Variants in DNAJC9 observed in about 807,000 individuals in gnomAD.
DNAJC9 encodes the protein DnaJ heat shock protein family (Hsp40) member C9, also known as dnaJ homolog subfamily C member 9.
In DNAJC9, 18 loss-of-function variants were observed where a neutral mutation model predicts 32.4. The ratio of observed to expected loss-of-function variants is 0.56; its 90% confidence interval spans 0.38 to 0.82. DNAJC9 has a LOEUF of 0.82. DNAJC9 is among the 40% of genes least tolerant of loss of function. DNAJC9 has a pLI of 0.00. For missense variants in DNAJC9, 310 were observed against 321.8 expected (o/e 0.96, Z 0.28); for synonymous variants, 113 against 122.1 (o/e 0.93, Z 0.49).
downstream of DNAJC9, chr10:73,235,136 TACATACCACATTAC>T: frequency 6.5e-7 from 1 of 1,532,710 alleles, no homozygotes; most frequent in Non-Finnish European, 8.8e-7. Flanking sequence ...GGGTTTTAAC[TACATACCACATTAC>T]AGATAGTTTT....
chr10:73,235,766 GC>G (rs2043806757), downstream of DNAJC9, among the ~76,000 whole-genome samples: 1 of 152,158 alleles, frequency 6.6e-6, no homozygotes, highest in African/African-American at 2.4e-5. Flanking sequence ...GAACTCCTGG[GC>G]TCAAGCAATC....
intron 4 of DNAJC9, 44 bp downstream of exon 4, chr10:73,243,799 G>A (rs779338360): frequency 4.0e-6 from 6 of 1,508,822 alleles, no homozygotes; most frequent in African/African-American, 2.8e-5. Context: ...ATTAGCAGTA[G>A]GAATCAGATC....
downstream of DNAJC9, among the ~76,000 whole-genome samples, chr10:73,240,010 G>A (rs571314274): frequency 1.1e-4 from 16 of 152,238 alleles, no homozygotes; most frequent in Middle Eastern, 3.4e-3. Context: ...CTGTAGCCTC[G>A]AACTCCGGGG....
downstream of DNAJC9, among the ~76,000 whole-genome samples, chr10:73,237,313 C>T (rs1226535767): frequency 6.6e-6 from 1 of 152,104 alleles, no homozygotes. Flanking sequence ...TCAGTGTGAA[C>T]CCCAGAAAGT....
rs1320447846 is a variant in DNAJC9, at chr10:73,242,738, G to C, written c.*662C>G. On this transcript the variant is annotated 3_prime_UTR_variant, in exon 5 of 5. Coordinates refer to ENST00000372950, the MANE Select transcript of DNAJC9 (RefSeq NM_015190.5). ...TATTATAAAGCTGACCAGGGCTATTGTTTTCCCCTTTTCTCTCATCCTAAA... is the reference window on the plus strand; with the variant it reads ...TATTATAAAGCTGACCAGGGCTATTCTTTTCCCCTTTTCTCTCATCCTAAA... 1.3e-5 allele frequency: 2 copies of C among 152,092 alleles called. No individual in the cohort carries two copies. The highest frequency in any genetic ancestry group is 6.6e-5 in the Admixed American group (1 of 15,264). The allele number at this position is 152,092 out of a possible 1,614,324, so 9.4% of individuals were successfully genotyped here. A position where few individuals can be genotyped will look rare whatever the true frequency, so the allele number is the denominator to read the frequency against.
At chr10:73,246,266 T>A in intron 2 of DNAJC9, 90 bp from the exon 3 acceptor site, 4 of 1,363,392 alleles carry the variant, frequency 2.9e-6, no homozygotes, top group Non-Finnish European at 4.0e-6. Context: ...GTTGAATTGC[T>A]GCAATACAAC....
At chr10:73,243,651 C>G in intron 4 of DNAJC9, 132 bp from the exon 5 acceptor site, 1 of 1,259,292 alleles carries the variant, frequency 7.9e-7, no homozygotes, top group Non-Finnish European at 1.1e-6. Flanking sequence ...GTGAAAATGT[C>G]CTACAATTGG....
chr10:73,241,057 G>A (rs539137604), downstream of DNAJC9: 23 of 1,130,174 alleles, frequency 2.0e-5, no homozygotes, highest in East Asian at 1.3e-4. Context: ...CAGGAAACAC[G>A]AGATTTCATG....
chr10:73,235,084 G>A, downstream of DNAJC9: 1 of 1,441,052 alleles, frequency 6.9e-7, no homozygotes, highest in Non-Finnish European at 9.4e-7. Context: ...CGTGGAATTG[G>A]AGCTGTTTGG....
downstream of DNAJC9, chr10:73,235,007 G>T: frequency 6.6e-7 from 1 of 1,523,786 alleles, no homozygotes; most frequent in Non-Finnish European, 8.9e-7. Context: ...AATTCTGCAG[G>T]ATCTGTGCCC....
Position 73,246,703 on chromosome 10 carries a change from C to A in DNAJC9, c.306G>T (p.Arg102=). ...AGTCCTTTACCTTTTTAAAGAGTAG[C>A]CGCCAATACGCCTCCCAGTCTCGGT... The part of the protein sequence containing the change: ...TQDRDWEAYW[R]LLFKKISLED... Residue 102 remains arginine, a synonymous_variant, in exon 2 of 5, where the codon CGG becomes CGT. Transcript: ENST00000372950. The A allele has an allele frequency of 1.2e-6, 2 of 1,613,950 alleles. No individual in the cohort carries two copies. Among genetic ancestry groups the A allele is most frequent in the Non-Finnish European group, 1.7e-6 (2 of 1,179,870 alleles).
At chr10:73,235,100 A>C, downstream of DNAJC9, 2 of 1,463,892 alleles carry the variant, frequency 1.4e-6, no homozygotes, top group Non-Finnish European at 9.3e-7. Flanking sequence ...TTTGGCCTGC[A>C]CTTACCATAT....
chr10:73,233,067 G>A (rs968366251), intron 2 of DNAJC9: 29 of 1,551,496 alleles, frequency 1.9e-5, no homozygotes, highest in Middle Eastern at 1.7e-4. Context: ...ACCAGGAGAC[G>A]CAATCCACCA....
Position 73,242,209 on chromosome 10 carries a change from G to A in DNAJC9, c.*1191C>T, listed in dbSNP as rs1276453062. 5 of 152,092 alleles carry A rather than the reference G, an allele frequency of 3.3e-5. No individual in the cohort carries two copies. Among genetic ancestry groups the A allele is most frequent in the African/African-American group, 4.8e-5 (2 of 41,496 alleles). The allele number at this position is 152,092 out of a possible 1,614,324, so 9.4% of individuals were successfully genotyped here. On this transcript the variant is annotated 3_prime_UTR_variant, in exon 5 of 5. Transcript: ENST00000372950. ...TGTAGTCACAAACCGAAAACGTGTC[G>A]TCTTTACCTTAGAGCTAAAGGCTTA...
downstream of DNAJC9, chr10:73,241,501 T>C (rs2043951641): frequency 6.0e-6 from 1 of 166,582 alleles, no homozygotes; most frequent in African/African-American, 2.4e-5. Flanking sequence ...ATAGATGTCA[T>C]TCCTAAAACT....
At chr10:73,239,428 G>A, downstream of DNAJC9, 9 of 1,427,712 alleles carry the variant, frequency 6.3e-6, no homozygotes, top group Non-Finnish European at 8.7e-6. Context: ...GTGTGGTTGT[G>A]TTAAGACCCA....
chr10:73,232,837 C>T lies in DNAJC9; in HGVS notation n.147+11006G>A, dbSNP rs1009888808. 1.0e-5 allele frequency: 7 copies of T among 688,444 alleles called. No individual in the cohort carries two copies. The African/African-American group carries it at 1.1e-4, about 11-fold the overall frequency. 42.6% of individuals were successfully genotyped at this position (688,444 alleles called of 1,614,324 possible). On this transcript the variant is annotated intron_variant and non_coding_transcript_variant, in intron 2 of 2. Transcript: ENST00000469143. ...AGGTTTTTATTTTTGCTTTATTTCC[C>T]CCTAAATGTAGTTTCTAGTCTAAGG...
downstream of DNAJC9, among the ~76,000 whole-genome samples, chr10:73,237,391 G>A (rs1254154837): frequency 2.0e-5 from 3 of 151,992 alleles, no homozygotes; most frequent in African/African-American, 7.3e-5. Flanking sequence ...AGTACTTGAT[G>A]ATTATATTAC....
downstream of DNAJC9, chr10:73,235,384 G>GTTTGGCAGACTTAAGATTTTA: frequency 6.5e-7 from 1 of 1,541,326 alleles, no homozygotes. Context: ...GGGAATAATA[G>GTTTGGCAGACTTAAGATTTTA]TTTGGCAGAC....
Sources: gnomAD v4.1 joint callset for allele counts (sites outside exome capture counted in the v4.1 genomes callset) on GRCh38, gnomAD v4.1.1 for gene constraint, MANE v1.5 for transcripts, NCBI Gene and HGNC (gene_info 2026-07-23, HGNC 2026-07-21) for gene names.